DOCK10: variants seen among roughly 807,000 people sequenced by gnomAD.
DOCK10 encodes the protein dedicator of cytokinesis protein 10.
A neutral mutation model predicts 280.1 loss-of-function variants in DOCK10; 145 were observed. That is an observed-to-expected ratio of 0.52 (90% confidence interval 0.45 to 0.59). DOCK10 has a LOEUF of 0.59. Ranked by LOEUF, DOCK10 falls within the 20% of genes least tolerant of loss-of-function variation. DOCK10 has a pLI of 0.00. For missense variants in DOCK10, 2,368 were observed against 2,651.7 expected (o/e 0.89, Z 2.35); for synonymous variants, 915 against 942.2 (o/e 0.97, Z 0.53).
chr2:224,900,109 C>G (rs1243558167), intron 3 of DOCK10, among the ~76,000 whole-genome samples: 1 of 152,144 alleles, frequency 6.6e-6, no homozygotes, highest in South Asian at 2.1e-4. Flanking sequence ...ACTGCCCTTT[C>G]TTGCTATTGA....
At chr2:224,838,565 G>C (rs1390148445) in intron 24 of DOCK10, among the ~76,000 whole-genome samples, 1 of 152,150 alleles carries the variant, frequency 6.6e-6, no homozygotes, top group Admixed American at 6.5e-5. Context: ...TCCAGAACTG[G>C]ATGGTTGTGA....
intron 1 of DOCK10, among the ~76,000 whole-genome samples, chr2:224,971,326 G>C (rs1370175448): frequency 6.6e-6 from 1 of 152,092 alleles, no homozygotes; most frequent in African/African-American, 2.4e-5. Flanking sequence ...AGAGGGGAGG[G>C]GAGGTGGGTG....
chr2:224,945,866 C>A (rs114956028), intron 1 of DOCK10, among the ~76,000 whole-genome samples: 2,221 of 152,170 alleles, frequency 0.015, 51 homozygotes, highest in African/African-American at 0.051. Context: ...GGGATTGCCA[C>A]TGGCATTAAA....
chr2:224,781,143 G>A (rs571331866), intron 50 of DOCK10, among the ~76,000 whole-genome samples: 55 of 152,258 alleles, frequency 3.6e-4, no homozygotes, highest in South Asian at 2.5e-3. Flanking sequence ...AGCAATTTGA[G>A]TTCTGGCTTT....
chr2:224,800,301 G>A, intron 40 of DOCK10, 38 bp from the exon 41 acceptor site: 4 of 1,326,978 alleles, frequency 3.0e-6, no homozygotes, highest in Non-Finnish European at 4.3e-6. Flanking sequence ...AAAAGTCTAA[G>A]ACAATGCTTT....
At chr2:224,811,867 C>G (rs1479805013) in intron 31 of DOCK10, among the ~76,000 whole-genome samples, 4 of 151,886 alleles carry the variant, frequency 2.6e-5, no homozygotes, top group Non-Finnish European at 4.4e-5. Context: ...GTACCAGTAC[C>G]ATGCTGTTTT....
At chr2:224,817,179 G>A (rs984262393) in intron 29 of DOCK10, among the ~76,000 whole-genome samples, 3 of 152,204 alleles carry the variant, frequency 2.0e-5, no homozygotes, top group Non-Finnish European at 4.4e-5. Flanking sequence ...AACCCTGTAT[G>A]CCACATGTTC....
In DOCK10 at chr2:224,795,838, C is replaced by A. The variant is rs368374698; in HGVS notation, c.4938+478G>T. The stretch of plus-strand genomic sequence containing the variant: ...CTAAACAAAAGATAAGATGAATTTT[C>A]CCCCAAATAGAGTTAGGAGTGTCAT... On this transcript the variant is annotated intron_variant, in intron 44 of 55. Transcript: ENST00000258390. Among the ~76,000 whole-genome samples, 3 of 152,226 alleles carry A rather than the reference C, an allele frequency of 2.0e-5. 1 individual carries two copies. The South Asian group carries it at 6.2e-4, about 32-fold the overall frequency.
chr2:224,929,135 T>C (rs1415360218), intron 2 of DOCK10, among the ~76,000 whole-genome samples: 3 of 152,240 alleles, frequency 2.0e-5, no homozygotes, highest in Non-Finnish European at 1.5e-5. Context: ...TCAGATTCTA[T>C]CATCAGATTC....
intron 2 of DOCK10, among the ~76,000 whole-genome samples, chr2:224,925,807 G>C (rs1220098061): frequency 6.6e-6 from 1 of 152,206 alleles, no homozygotes; most frequent in East Asian, 1.9e-4. Context: ...TGCTCAGGAA[G>C]AAACTCATTT....
chr2:224,886,697 C>A (rs570629824), intron 4 of DOCK10, among the ~76,000 whole-genome samples, 166 bp from the exon 5 acceptor site: 4 of 152,240 alleles, frequency 2.6e-5, no homozygotes, highest in Admixed American at 6.5e-5. Flanking sequence ...TATTAACTTT[C>A]CTCTGCCATG....
At chr2:224,926,803 T>C (rs1482384796) in intron 2 of DOCK10, among the ~76,000 whole-genome samples, 1 of 152,244 alleles carries the variant, frequency 6.6e-6, no homozygotes, top group African/African-American at 2.4e-5. Context: ...CAACATTATG[T>C]TATAAAATAG....
At chr2:224,814,400 C>A in intron 30 of DOCK10, 36 bp from the exon 31 acceptor site, 1 of 1,168,984 alleles carries the variant, frequency 8.6e-7, no homozygotes, top group Non-Finnish European at 1.2e-6. Flanking sequence ...CAGATATATA[C>A]ATATACATAC....
intron 27 of DOCK10, among the ~76,000 whole-genome samples, chr2:224,824,873 A>G (rs1694738218): frequency 2.0e-5 from 3 of 152,116 alleles, no homozygotes; most frequent in Admixed American, 1.3e-4. Context: ...CCAGACTTCC[A>G]TGCTGCAAGG....
At position 224,946,850 on chromosome 2, in the gene DOCK10, A is replaced by G. The variant is rs778135486; in HGVS notation, c.124-15182T>C. The G allele has an allele frequency of 9.1e-6, 14 of 1,538,984 alleles. No homozygotes were observed. The African/African-American group carries it at 1.7e-4, about 18-fold the overall frequency. Reference sequence around the variant, plus strand: ...ACATTGACATTTGGATACCTACAGAACTAAATCTGTGGATTTCTTCTTGGT... The same window carrying G: ...ACATTGACATTTGGATACCTACAGAGCTAAATCTGTGGATTTCTTCTTGGT... On this transcript the variant is annotated intron_variant, in intron 1 of 55. Coordinates refer to ENST00000258390, the MANE Select transcript of DOCK10 (RefSeq NM_014689.3).
intron 3 of DOCK10, among the ~76,000 whole-genome samples, chr2:224,911,731 T>C (rs1028573984): frequency 6.6e-6 from 1 of 152,110 alleles, no homozygotes; most frequent in Non-Finnish European, 1.5e-5. Flanking sequence ...GTGAGAGCAA[T>C]TGGAAACTGC....
intron 1 of DOCK10, among the ~76,000 whole-genome samples, chr2:225,041,133 C>T (rs1398196279): frequency 1.3e-5 from 2 of 152,202 alleles, no homozygotes; most frequent in East Asian, 1.9e-4. Context: ...CGACCTCTGG[C>T]TTTAGAGAAT....
At chr2:224,951,498 G>A (rs1703726153) in intron 1 of DOCK10, among the ~76,000 whole-genome samples, 1 of 152,172 alleles carries the variant, frequency 6.6e-6, no homozygotes, top group South Asian at 2.1e-4. Flanking sequence ...TAGATGTTTG[G>A]AAATTAAGTA....
At chr2:224,811,963 AT>A (rs1403757546) in intron 31 of DOCK10, among the ~76,000 whole-genome samples, 4 of 152,170 alleles carry the variant, frequency 2.6e-5, no homozygotes, top group African/African-American at 9.7e-5. Flanking sequence ...TGACTTGGCA[AT>A]GTGGGCTCTT....
Sources: allele counts gnomAD v4.1 joint callset (sites outside exome capture counted in the v4.1 genomes callset), GRCh38; gene constraint gnomAD v4.1.1; transcripts MANE v1.5; gene names NCBI Gene and HGNC (gene_info 2026-07-23, HGNC 2026-07-21).